Variants in MYH11 observed in about 807,000 individuals in gnomAD.
MYH11 encodes myosin-11.
MYH11 carries 80 observed loss-of-function variants against 246.6 expected under a neutral mutation model. The ratio of observed to expected loss-of-function variants is 0.32; its 90% CI spans 0.27 to 0.39. The LOEUF (loss-of-function observed/expected upper bound fraction) is 0.39. MYH11 is among the 10% of genes least tolerant of loss of function. MYH11 has a pLI of 1.00. For missense variants in MYH11, 2,158 were observed against 2,546.8 expected, an observed-to-expected ratio of 0.85 and a Z score of 3.29; for synonymous variants, 1,071 against 1,015.5, an observed-to-expected ratio of 1.05 and a Z score of -1.04.
At chr16:15,836,724 T>TC (rs2043906471) in intron 2 of MYH11, among the ~76,000 whole-genome samples, 1 of 132,608 alleles carries the variant, frequency 7.5e-6, no homozygotes, top group Non-Finnish European at 1.6e-5. Flanking sequence ...TGTTTCTTTT[T>TC]TTTTTTTTTT....
intron 40 of MYH11, among the ~76,000 whole-genome samples, chr16:15,709,455 C>T (rs988366234): frequency 6.6e-6 from 1 of 152,148 alleles, no homozygotes; most frequent in Non-Finnish European, 1.5e-5. Context: ...GCTGGGATTA[C>T]AGGCATGCAC....
chr16:15,840,343 A>T (rs1326420984), intron 1 of MYH11, among the ~76,000 whole-genome samples: 1 of 152,220 alleles, frequency 6.6e-6, no homozygotes, highest in Non-Finnish European at 1.5e-5. Flanking sequence ...TTATATAGGA[A>T]GTAGCAAAAT....
chr16:15,812,131 T>A (rs1417793482), intron 3 of MYH11, among the ~76,000 whole-genome samples: 2 of 152,178 alleles, frequency 1.3e-5, no homozygotes, highest in African/African-American at 4.8e-5. Flanking sequence ...GGGATCCCTG[T>A]GGTTGCCCGG....
chr16:15,738,863 C>T (rs2041196384), intron 23 of MYH11, among the ~76,000 whole-genome samples, 175 bp from the exon 24 acceptor site: 1 of 152,090 alleles, frequency 6.6e-6, no homozygotes, highest in Non-Finnish European at 1.5e-5. Context: ...AAAAACTGGC[C>T]ATTTCTCATC....
At chr16:15,765,140 G>A (rs1272061873) in intron 9 of MYH11, among the ~76,000 whole-genome samples, 1 of 152,160 alleles carries the variant, frequency 6.6e-6, no homozygotes, top group African/African-American at 2.4e-5. Flanking sequence ...GATGGTAGGT[G>A]GAAGGTGGAT....
rs1596791165 is a variant in MYH11 at position 15,758,147 on chromosome 16, C to T, written c.1402-147G>A. The T allele has an allele frequency of 5.1e-6, 6 of 1,168,608 alleles. No individual in the cohort carries two copies. In the East Asian group the frequency reaches 1.4e-4, roughly 28 times the overall value. The allele number at this position is 1,168,608 out of a possible 1,614,324, so 72.4% of individuals were successfully genotyped here. ...CCAGCACCCAGACAGGGCTGAGGCC[C>T]CAAAACATGCTGCCTAGAGTCCACC... On this transcript the variant is annotated intron_variant, in intron 12 of 40. Transcript: ENST00000300036.
At chr16:15,833,401 A>G (rs112298395) in intron 2 of MYH11, among the ~76,000 whole-genome samples, 1 of 74,594 alleles carries the variant, frequency 1.3e-5, no homozygotes, top group Non-Finnish European at 3.2e-5. Flanking sequence ...GGAAGGAAGG[A>G]AGGAAGGAAG....
intron 6 of MYH11, among the ~76,000 whole-genome samples, chr16:15,780,233 G>A (rs2042315798): frequency 6.6e-6 from 1 of 152,090 alleles, no homozygotes. Flanking sequence ...TGGAGATTTT[G>A]GAAATCGGTG....
chr16:15,705,323 C>T lies in MYH11; in HGVS notation c.5787-1200G>A, dbSNP rs895265218. ...GCTCCAGCCAGTAGGACACCCCTGTCTCTCCTTAATGCTGCCATCTCCTCT... is the reference window on the plus strand; with the variant it reads ...GCTCCAGCCAGTAGGACACCCCTGTTTCTCCTTAATGCTGCCATCTCCTCT... On this transcript the variant is annotated intron_variant, in intron 40 of 40. Coordinates refer to ENST00000300036, the MANE Select transcript of MYH11 (RefSeq NM_002474.3). Among the ~76,000 whole-genome samples, 14 of 152,294 alleles carry T rather than the reference C, an allele frequency of 9.2e-5. No individual in the cohort carries two copies. In the East Asian group the frequency reaches 2.5e-3, roughly 27 times the overall value.
At chr16:15,798,635 C>CAAAA in intron 4 of MYH11, 25 bp downstream of exon 4, 1 of 1,111,304 alleles carries the variant, frequency 9.0e-7, no homozygotes, top group Non-Finnish European at 1.2e-6. Flanking sequence ...AAAAAAAAAA[C>CAAAA]AGAAGAAAAA....
intron 2 of MYH11, among the ~76,000 whole-genome samples, chr16:15,828,787 TAA>T (rs1209396542): frequency 2.2e-4 from 14 of 63,656 alleles, no homozygotes; most frequent in Non-Finnish European, 2.9e-4. Flanking sequence ...AGTGAGACTC[TAA>T]AAAAAAAAAA....
At chr16:15,748,001 G>A in intron 17 of MYH11, 46 bp downstream of exon 17, 1 of 1,614,160 alleles carries the variant, frequency 6.2e-7, no homozygotes, top group Non-Finnish European at 8.5e-7. Flanking sequence ...CCTCCACCCA[G>A]TCCCGCTCAC....
At chr16:15,800,115 G>A (rs1170967669) in intron 3 of MYH11, among the ~76,000 whole-genome samples, 2 of 151,548 alleles carry the variant, frequency 1.3e-5, no homozygotes, top group African/African-American at 2.4e-5. Context: ...TGGGCAGATG[G>A]GTGGGAAAAT....
At chr16:15,718,880 C>T (rs974022191) in intron 36 of MYH11, 4 of 414,744 alleles carry the variant, frequency 9.6e-6, no homozygotes, top group South Asian at 2.2e-5. Context: ...GTAATCACAG[C>T]ACTTTGGGAG....
intron 27 of MYH11, among the ~76,000 whole-genome samples, chr16:15,729,162 G>A (rs970851647): frequency 2.6e-5 from 4 of 151,992 alleles, no homozygotes; most frequent in Non-Finnish European, 4.4e-5. Context: ...GGGGACCCTA[G>A]GGGACATGGG....
At chr16:15,847,168 A>G (rs7196606) in intron 1 of MYH11, among the ~76,000 whole-genome samples, 28,107 of 151,560 alleles carry the variant, frequency 0.19, 3,243 homozygotes, top group East Asian at 0.44. Flanking sequence ...GTTTGTGCAG[A>G]TGGTAGCCAA....
intron 20 of MYH11, among the ~76,000 whole-genome samples, chr16:15,742,725 T>C (rs1372508576): frequency 3.9e-5 from 6 of 152,022 alleles, no homozygotes; most frequent in Admixed American, 1.3e-4. Context: ...AGTGAGACCC[T>C]GTCTCCACAA....
intron 40 of MYH11, among the ~76,000 whole-genome samples, chr16:15,704,926 A>G (rs2039367436): frequency 2.0e-5 from 3 of 151,566 alleles, no homozygotes; most frequent in Admixed American, 6.6e-5. Context: ...CAGTTCTCCT[A>G]CCTTGGCCTC....
At chr16:15,761,136 AGTCTCGCTCT>A (rs2041858871) in intron 10 of MYH11, among the ~76,000 whole-genome samples, 2 of 152,172 alleles carry the variant, frequency 1.3e-5, no homozygotes, top group Admixed American at 1.3e-4. Flanking sequence ...TTGGAGACAG[AGTCTCGCTCT>A]GTCGCCCAGG....
Sources: allele counts gnomAD v4.1 joint callset (sites outside exome capture counted in the v4.1 genomes callset), GRCh38; gene constraint gnomAD v4.1.1; transcripts MANE v1.5; gene names NCBI Gene and HGNC (gene_info 2026-07-23, HGNC 2026-07-21).